GFRA3: variants seen among roughly 807,000 people sequenced by gnomAD.
GFRA3 encodes GDNF family receptor alpha-3.
In GFRA3, 24 loss-of-function variants were observed where a neutral mutation model predicts 40.0. The ratio of observed to expected loss-of-function variants is 0.60; its 90% CI spans 0.43 to 0.84. GFRA3 has a LOEUF of 0.84. Ranked by LOEUF, GFRA3 falls within the 40% of genes least tolerant of loss-of-function variation. The probability of loss-of-function intolerance (pLI) is 0.00; values close to 1 mark genes in which losing one functional copy is unlikely to be tolerated. For missense variants in GFRA3, 405 were observed against 530.6 expected (o/e 0.76, Z 2.33); for synonymous variants, 203 against 213.5 (o/e 0.95, Z 0.43).
intron 2 of GFRA3, among the ~76,000 whole-genome samples, chr5:138,260,626 G>A (rs932819230): frequency 6.6e-6 from 1 of 152,090 alleles, no homozygotes; most frequent in Admixed American, 6.5e-5. Flanking sequence ...AAAATTAGTT[G>A]GGCATGGTGG....
intron 4 of GFRA3, among the ~76,000 whole-genome samples, chr5:138,255,021 GAGAGGA>G (rs1561648650): frequency 2.3e-5 from 3 of 132,560 alleles, no homozygotes; most frequent in Non-Finnish European, 1.7e-5. Context: ...GAAGGAGAGA[GAGAGGA>G]AGGAAGGAAG....
intron 1 of GFRA3, among the ~76,000 whole-genome samples, chr5:138,268,120 A>G (rs1374865636): frequency 6.6e-6 from 1 of 151,918 alleles, no homozygotes; most frequent in Non-Finnish European, 1.5e-5. Context: ...CCCTGTCTCT[A>G]CTGAAAATAC....
intron 4 of GFRA3, among the ~76,000 whole-genome samples, chr5:138,256,229 T>C (rs1755626276): frequency 8.3e-6 from 1 of 119,936 alleles, no homozygotes. Flanking sequence ...AGACTCCGTC[T>C]TAAAAAAAAA....
At chr5:138,253,546 C>T (rs1755581654) in intron 6 of GFRA3, among the ~76,000 whole-genome samples, 171 bp from the exon 7 acceptor site, 1 of 152,128 alleles carries the variant, frequency 6.6e-6, no homozygotes, top group African/African-American at 2.4e-5. Flanking sequence ...CTGGAGATGT[C>T]CCTGGGTTCC....
At chr5:138,262,746 A>C (rs772499948) in intron 2 of GFRA3, among the ~76,000 whole-genome samples, 4 of 151,898 alleles carry the variant, frequency 2.6e-5, no homozygotes, top group Non-Finnish European at 5.9e-5. Context: ...GAGCCACCAC[A>C]CTTAGATGCC....
Position 138,271,911 on chromosome 5 carries a change from T to TGTGTGTGTGTG in GFRA3, c.91+2422_91+2423insCACACACACAC, listed in dbSNP as rs61407779. ...TTTTCTGTTTTTTTTTTTTTTTTTT[T>TGTGTGTGTGTG]TTTGTGTGTGTGTGTGTGTGTGTGT... On this transcript the variant is annotated intron_variant, in intron 1 of 7. Transcript: ENST00000274721. Among the ~76,000 whole-genome samples the TGTGTGTGTGTG allele has an allele frequency of 6.8e-3, 641 of 94,650 alleles. 2 individuals carry two copies. Among genetic ancestry groups the TGTGTGTGTGTG allele is most frequent in the East Asian group, 0.015 (50 of 3,344 alleles). The allele number at this position is 94,650 out of a possible 152,430, so 62.1% of individuals were successfully genotyped here.
intron 1 of GFRA3, among the ~76,000 whole-genome samples, chr5:138,265,604 G>C (rs1394745110): frequency 6.6e-6 from 1 of 152,158 alleles, no homozygotes; most frequent in Non-Finnish European, 1.5e-5. Flanking sequence ...TTTTCTCCAT[G>C]TGTGTCACTA....
intron 1 of GFRA3, among the ~76,000 whole-genome samples, chr5:138,270,635 C>CA (rs1755855461): frequency 6.6e-6 from 1 of 151,882 alleles, no homozygotes. Flanking sequence ...ATGGGTACAC[C>CA]AAAATCTCAT....
chr5:138,257,405 T>C (rs971251581), intron 4 of GFRA3, among the ~76,000 whole-genome samples: 4 of 152,266 alleles, frequency 2.6e-5, no homozygotes, highest in Admixed American at 2.6e-4. Flanking sequence ...GAATTTTTAA[T>C]GATTTTTTAA....
Position 138,264,496 on chromosome 5 carries a change from C to G in GFRA3, c.144G>C (p.Arg48Ser). ...SRLMNSCLQA[R>S]RKCQADPTCS... The stretch of plus-strand genomic sequence containing the variant: ...AGGTGGGATCAGCCTGGCACTTCCT[C>G]CTGGCCTGGAGACAGCTGTTCATGA... Residue 48 changes from arginine to serine, a missense_variant, in exon 2 of 8, where the codon AGG becomes AGC. Coordinates refer to ENST00000274721, the MANE Select transcript of GFRA3 (RefSeq NM_001496.4). 1 of 1,613,322 alleles carries G rather than the reference C, an allele frequency of 6.2e-7. No individual in the cohort carries two copies. The highest frequency in any genetic ancestry group is 8.5e-7 in the Non-Finnish European group (1 of 1,179,466).
In GFRA3 at chr5:138,253,731, G is replaced by A. The variant is rs367696351; in HGVS notation, c.1024+35C>T. ...CCTTCCCTTGAGTCCAGCTGACTCA[G>A]CCCCAGGGGCTGGGAGCAAGTACAG... On this transcript the variant is annotated intron_variant, in intron 6 of 7. Transcript: ENST00000274721. 5.6e-6 allele frequency: 9 copies of A among 1,603,056 alleles called. 1 individual carries two copies. The highest frequency in any genetic ancestry group is 1.1e-5 in the South Asian group (1 of 90,402).
chr5:138,273,953 G>A lies in GFRA3; in HGVS notation c.91+381C>T, dbSNP rs997786892. Among the ~76,000 whole-genome samples the A allele has an allele frequency of 5.9e-5, 9 of 152,312 alleles. No individual in the cohort carries two copies. The East Asian group carries it at 7.7e-4, about 13-fold the overall frequency. On this transcript the variant is annotated intron_variant, in intron 1 of 7. Transcript: ENST00000274721. ...AGCAGATGGAAGAGTTAAAGCCCAC[G>A]TGGAGCAAATGACACTCTGTTTCTG...
intron 5 of GFRA3, 33 bp downstream of exon 5, chr5:138,254,024 C>T: frequency 6.4e-7 from 1 of 1,561,138 alleles, no homozygotes; most frequent in African/African-American, 1.4e-5. Context: ...GCCTAGCCAA[C>T]ATAGGGTTCC....
Position 138,274,565 on chromosome 5 carries a change from G to A in GFRA3, c.-141C>T, listed in dbSNP as rs1412841120. The stretch of plus-strand genomic sequence containing the variant: ...ACACACTCTCCCACCAGGGTCCTGG[G>A]CGCCGCCCTCCAACTCCGAAGCGCG... On this transcript the variant is annotated 5_prime_UTR_variant, in exon 1 of 8. Coordinates refer to ENST00000274721, the MANE Select transcript of GFRA3 (RefSeq NM_001496.4). 3 of 1,228,768 alleles carry A rather than the reference G, an allele frequency of 2.4e-6. No homozygotes were observed. The African/African-American group carries it at 4.7e-5, about 19-fold the overall frequency. 76.1% of individuals were successfully genotyped at this position (1,228,768 alleles called of 1,614,324 possible).
At chr5:138,263,112 C>A (rs1458708255) in intron 2 of GFRA3, among the ~76,000 whole-genome samples, 1 of 152,018 alleles carries the variant, frequency 6.6e-6, no homozygotes, top group Non-Finnish European at 1.5e-5. Context: ...ATTACAGGTG[C>A]CCACCACCAT....
rs111229419 is a variant in GFRA3 at position 138,270,572 on chromosome 5, G to C, written c.91+3762C>G. Among the ~76,000 whole-genome samples, 1,241 of 151,688 alleles carry C rather than the reference G, an allele frequency of 8.2e-3. 11 individuals are homozygous for C. Among genetic ancestry groups the C allele is most frequent in the Non-Finnish European group, 0.014 (946 of 67,938 alleles). ...TGGGGACTTGGGGGGAAGCGTGGGG[G>C]AGGGGAAGGGATAAAAGACTACAAA... On this transcript the variant is annotated intron_variant, in intron 1 of 7. Coordinates refer to ENST00000274721, the MANE Select transcript of GFRA3 (RefSeq NM_001496.4).
intron 1 of GFRA3, among the ~76,000 whole-genome samples, chr5:138,267,975 T>C (rs1302479093): frequency 1.3e-5 from 2 of 152,110 alleles, no homozygotes; most frequent in Non-Finnish European, 2.9e-5. Flanking sequence ...TCTCACCTTA[T>C]ACAAAAATCA....
chr5:138,268,083 G>C (rs1275193668), intron 1 of GFRA3, among the ~76,000 whole-genome samples: 1 of 151,974 alleles, frequency 6.6e-6, no homozygotes, highest in African/African-American at 2.4e-5. Context: ...TCAGGAGTTC[G>C]AGACTAGCCT....
Position 138,257,878 on chromosome 5 carries a change from G to A in GFRA3, c.546C>T (p.Tyr182=). 2 of 1,613,932 alleles carry A rather than the reference G, an allele frequency of 1.2e-6. No individual in the cohort carries two copies. The highest frequency in any genetic ancestry group is 8.5e-7 in the Non-Finnish European group (1 of 1,179,848). The change falls in exon 4 of 8, where the codon TAC becomes TAT. Residue 182 remains tyrosine, a synonymous_variant. Coordinates refer to ENST00000274721, the MANE Select transcript of GFRA3 (RefSeq NM_001496.4). ...NDKCDRLRKA[Y]GEACSGPHCQ... ...AGTGGGGCCCGGAGCACGCCTCCCC[G>A]TAGGCCTTGCGCAGCCGGTCACACT...
Sources: gnomAD v4.1 joint callset for allele counts (sites outside exome capture counted in the v4.1 genomes callset) on GRCh38, gnomAD v4.1.1 for gene constraint, MANE v1.5 for transcripts, NCBI Gene and HGNC (gene_info 2026-07-23, HGNC 2026-07-21) for gene names.